RABGAP1L: variants seen among roughly 807,000 people sequenced by gnomAD.
The protein encoded by RABGAP1L is RAB GTPase activating protein 1 like.
Under a neutral mutation model 137.7 loss-of-function variants are expected in RABGAP1L, and 63 were observed. That is an observed-to-expected ratio of 0.46 (90% confidence interval 0.37 to 0.56). The LOEUF is 0.56. Among genes scored for constraint, RABGAP1L ranks in the 20% least tolerant of loss-of-function variants. The probability of loss-of-function intolerance (pLI) is 0.00; values close to 1 mark genes in which losing one functional copy is unlikely to be tolerated. For missense variants in RABGAP1L, 1,095 were observed against 1,244.0 expected (o/e 0.88, Z 1.80); for synonymous variants, 431 against 433.7 (o/e 0.99, Z 0.08).
chr1:174,314,236 G>A (rs1026860507), intron 11 of RABGAP1L, among the ~76,000 whole-genome samples: 43 of 152,210 alleles, frequency 2.8e-4, no homozygotes, highest in African/African-American at 1.0e-3. Context: ...GTTCAATCTT[G>A]GTAGGTTGTA....
chr1:174,666,946 C>T (rs1445400621), intron 14 of RABGAP1L, among the ~76,000 whole-genome samples: 1 of 123,448 alleles, frequency 8.1e-6, no homozygotes, highest in African/African-American at 3.0e-5. Flanking sequence ...AATTTATTTT[C>T]AATGTTAGCA....
At chr1:174,612,926 G>A (rs929045818) in intron 13 of RABGAP1L, among the ~76,000 whole-genome samples, 3,171 of 151,282 alleles carry the variant, frequency 0.021, 111 homozygotes, top group African/African-American at 0.074. Context: ...TTTTTATTGC[G>A]TCTATTTGAT....
chr1:174,197,755 G>A (rs1281056665), intron 1 of RABGAP1L, among the ~76,000 whole-genome samples: 1 of 151,768 alleles, frequency 6.6e-6, no homozygotes, highest in Admixed American at 6.6e-5. Context: ...AGCTGAGATT[G>A]CACCATTGCA....
At chr1:174,750,506 T>C (rs1387780313) in intron 17 of RABGAP1L, among the ~76,000 whole-genome samples, 1 of 152,202 alleles carries the variant, frequency 6.6e-6, no homozygotes, top group Non-Finnish European at 1.5e-5. Context: ...TAGGTTGTTA[T>C]AACAATCAAT....
At chr1:174,920,295 C>A (rs1296905221) in intron 19 of RABGAP1L, among the ~76,000 whole-genome samples, 3 of 152,188 alleles carry the variant, frequency 2.0e-5, no homozygotes, top group Non-Finnish European at 4.4e-5. Flanking sequence ...CAAGGAGGAG[C>A]AAGTCATGTC....
At chr1:174,858,575 G>C (rs1166204806) in intron 19 of RABGAP1L, among the ~76,000 whole-genome samples, 1 of 152,154 alleles carries the variant, frequency 6.6e-6, no homozygotes, top group Non-Finnish European at 1.5e-5. Flanking sequence ...GTGACTGTGT[G>C]ACTCAACTGA....
At chr1:174,925,733 AT>A (rs1662675481) in intron 19 of RABGAP1L, among the ~76,000 whole-genome samples, 1 of 151,632 alleles carries the variant, frequency 6.6e-6, no homozygotes, top group Non-Finnish European at 1.5e-5. Context: ...CTATATGTAA[AT>A]TTTTTTGAAT....
intron 19 of RABGAP1L, among the ~76,000 whole-genome samples, chr1:174,821,741 A>G (rs1691046557): frequency 6.6e-6 from 1 of 152,238 alleles, no homozygotes; most frequent in African/African-American, 2.4e-5. Context: ...CTTTCTTTGA[A>G]TTAGCACTGA....
intron 18 of RABGAP1L, among the ~76,000 whole-genome samples, chr1:174,758,022 C>CAA (rs34002785): frequency 0.014 from 1,800 of 130,012 alleles, 19 homozygotes; most frequent in African/African-American, 0.037. Flanking sequence ...GACTCCATCT[C>CAA]AAAAAAAAAA....
chr1:174,468,250 A>G (rs1657522558), intron 13 of RABGAP1L, among the ~76,000 whole-genome samples: 2 of 152,160 alleles, frequency 1.3e-5, no homozygotes, highest in Non-Finnish European at 2.9e-5. Flanking sequence ...CCATTAGGAT[A>G]AACAAATAGA....
intron 13 of RABGAP1L, among the ~76,000 whole-genome samples, chr1:174,427,285 C>T (rs925730708): frequency 1.3e-5 from 2 of 151,864 alleles, no homozygotes; most frequent in East Asian, 3.9e-4. Flanking sequence ...ATCCCAACTT[C>T]GATCTTCTAA....
At chr1:174,540,818 C>T (rs1665339794) in intron 13 of RABGAP1L, among the ~76,000 whole-genome samples, 1 of 152,062 alleles carries the variant, frequency 6.6e-6, no homozygotes. Context: ...TAGTTTTTTC[C>T]AATTCTGTGA....
At chr1:174,933,028 T>A (rs1226917988) in intron 19 of RABGAP1L, among the ~76,000 whole-genome samples, 1 of 152,274 alleles carries the variant, frequency 6.6e-6, no homozygotes, top group African/African-American at 2.4e-5. Flanking sequence ...ATATGTATTG[T>A]TGCTTCTATA....
At chr1:174,574,753 T>C (rs1668242141) in intron 13 of RABGAP1L, among the ~76,000 whole-genome samples, 1 of 152,166 alleles carries the variant, frequency 6.6e-6, no homozygotes, top group Non-Finnish European at 1.5e-5. Context: ...TGATTGGCCA[T>C]TTAATTTTGG....
chr1:174,935,984 CAAAAAAA>C (rs58215269), intron 19 of RABGAP1L, among the ~76,000 whole-genome samples: 10 of 43,178 alleles, frequency 2.3e-4, no homozygotes, highest in East Asian at 2.1e-3. Flanking sequence ...TCCATCTCAC[CAAAAAAA>C]AAAAAAAAAA....
At chr1:174,480,024 C>T (rs1049990211) in intron 13 of RABGAP1L, among the ~76,000 whole-genome samples, 1 of 152,054 alleles carries the variant, frequency 6.6e-6, no homozygotes, top group African/African-American at 2.4e-5. Context: ...ATTCGGATAA[C>T]TAGTGAGTTG....
intron 13 of RABGAP1L, among the ~76,000 whole-genome samples, chr1:174,495,131 C>G (rs1414363241): frequency 6.6e-6 from 1 of 152,100 alleles, no homozygotes; most frequent in African/African-American, 2.4e-5. Context: ...TTGCCCTAGT[C>G]TGGGGATTCT....
At chr1:174,887,934 G>T (rs1220003058) in intron 19 of RABGAP1L, among the ~76,000 whole-genome samples, 3 of 152,080 alleles carry the variant, frequency 2.0e-5, no homozygotes, top group Admixed American at 2.0e-4. Context: ...CTACTCGGGA[G>T]GCTGAGGCAA....
intron 1 of RABGAP1L, among the ~76,000 whole-genome samples, chr1:174,214,456 T>C (rs992022455): frequency 6.6e-6 from 1 of 152,090 alleles, no homozygotes; most frequent in African/African-American, 2.4e-5. Context: ...AAAATAACAA[T>C]GACATTCTTC....
Sources: gnomAD v4.1 joint callset for allele counts (sites outside exome capture counted in the v4.1 genomes callset) on GRCh38, gnomAD v4.1.1 for gene constraint, MANE v1.5 for transcripts, NCBI Gene and HGNC (gene_info 2026-07-23, HGNC 2026-07-21) for gene names.